The following NSMAF variants were observed in gnomAD, a reference collection of about 807,000 sequenced individuals.
NSMAF encodes neutral sphingomyelinase activation associated factor.
In NSMAF, 90 loss-of-function variants were observed where a neutral mutation model predicts 134.9. The ratio of observed to expected loss-of-function variants is 0.67; its 90% confidence interval spans 0.56 to 0.79. The LOEUF is 0.79. NSMAF is among the 30% of genes least tolerant of loss of function. The pLI is 0.00. For missense variants in NSMAF, 1,010 were observed against 1,119.0 expected, an observed-to-expected ratio of 0.90 and a Z score of 1.39; for synonymous variants, 358 against 389.6, an observed-to-expected ratio of 0.92 and a Z score of 0.96.
intron 9 of NSMAF, among the ~76,000 whole-genome samples, chr8:58,617,998 C>T (rs1016125097): frequency 6.6e-6 from 1 of 152,152 alleles, no homozygotes; most frequent in Non-Finnish European, 1.5e-5. Flanking sequence ...GGGATGAGTT[C>T]ATGTCCTTTG....
Position 58,597,796 on chromosome 8 carries a change from T to G in NSMAF, c.1628+64A>C, listed in dbSNP as rs1384590625. The G allele has an allele frequency of 3.4e-6, 4 of 1,172,568 alleles. No individual in the cohort carries two copies. In the South Asian group the frequency reaches 5.2e-5, roughly 15 times the overall value. 72.6% of individuals were successfully genotyped at this position (1,172,568 alleles called of 1,614,324 possible). ...TACCTCAACCTTCAAATAAATACAT[T>G]AATAATTTAGATAAAGACATATCTT... On this transcript the variant is annotated intron_variant, in intron 20 of 30. Coordinates refer to ENST00000038176, the MANE Select transcript of NSMAF (RefSeq NM_003580.4).
chr8:58,590,868 A>AT lies in NSMAF; in HGVS notation c.2017dup (p.Met673AsnfsTer22). On this transcript the variant is annotated frameshift_variant and splice_region_variant, in exon 24 of 31. Transcript: ENST00000038176. LOFTEE classifies it high-confidence loss of function. ...ATAATACTATTAAAATGAACTCACC[A>AT]TATTTGAAAATGATATACTTCTTTG... 1 of 1,558,340 alleles carries AT rather than the reference A, an allele frequency of 6.4e-7. No homozygotes were observed.
rs1194341835 is a variant in NSMAF at position 58,592,902 on chromosome 8, C to CA, written c.1951+1329dup. On this transcript the variant is annotated intron_variant, in intron 23 of 30. Coordinates refer to ENST00000038176, the MANE Select transcript of NSMAF (RefSeq NM_003580.4). ...ACTCTGTCTCAAAAAAAAACAAAAACAAAAACAACAACAACAAAAAAAAAA... is the reference window on the plus strand; with the variant it reads ...ACTCTGTCTCAAAAAAAAACAAAAACAAAAAACAACAACAACAAAAAAAAAA... 4.9e-3 allele frequency among the ~76,000 whole-genome samples: 564 copies of CA among 114,178 alleles called. 8 individuals carry two copies. In the East Asian group the frequency reaches 0.064, roughly 13 times the overall value. The allele number at this position is 114,178 out of a possible 152,430, so 74.9% of individuals were successfully genotyped here. A position where few individuals can be genotyped will look rare whatever the true frequency, so the allele number is the denominator to read the frequency against.
At chr8:58,605,451 A>G (rs1806382797) in intron 12 of NSMAF, among the ~76,000 whole-genome samples, 1 of 152,232 alleles carries the variant, frequency 6.6e-6, no homozygotes, top group Non-Finnish European at 1.5e-5. Flanking sequence ...AATCCATTCA[A>G]TTTGGAGGAC....
In NSMAF at chr8:58,587,659, G is replaced by A. The variant is rs751354689; in HGVS notation, c.2254C>T (p.His752Tyr). ...VPAEMPGTKR[H>Y]HFDLLAELEH... ...AGCTCGGCCAGCAAGTCAAAGTGGT[G>A]TCTTTTGGTGCCTGGCATCTCTGCA... Residue 752 changes from histidine to tyrosine, a missense_variant, in exon 27 of 31, where the codon CAC (histidine) becomes TAC (tyrosine). Coordinates refer to ENST00000038176, the MANE Select transcript of NSMAF (RefSeq NM_003580.4). The A allele has an allele frequency of 6.2e-6, 10 of 1,614,054 alleles. No individual in the cohort carries two copies. Among genetic ancestry groups the A allele is most frequent in the Middle Eastern group, 3.3e-4 (2 of 6,084 alleles).
chr8:58,648,363 C>G (rs1807509558), intron 1 of NSMAF, among the ~76,000 whole-genome samples: 1 of 152,134 alleles, frequency 6.6e-6, no homozygotes, highest in African/African-American at 2.4e-5. Context: ...ACATAAAACT[C>G]TGGGAAATTT....
Position 58,637,321 on chromosome 8 carries a change from C to T in NSMAF, c.150-1775G>A, listed in dbSNP as rs554413331. On this transcript the variant is annotated intron_variant, in intron 2 of 30. Coordinates refer to ENST00000038176, the MANE Select transcript of NSMAF (RefSeq NM_003580.4). Reference sequence around the variant, plus strand: ...AGCAATTTCTCCAAAGAACCCCCATCCTTTCAGTGGGAAGTGGTATTAAGA... The same window carrying T: ...AGCAATTTCTCCAAAGAACCCCCATTCTTTCAGTGGGAAGTGGTATTAAGA... The T allele has an allele frequency of 1.6e-3, 717 of 456,138 alleles. 2 individuals carry two copies. Among genetic ancestry groups the T allele is most frequent in the Non-Finnish European group, 2.4e-3 (552 of 226,894 alleles). 28.3% of individuals were successfully genotyped at this position (456,138 alleles called of 1,614,324 possible). A position where few individuals can be genotyped will look rare whatever the true frequency, so the allele number is the denominator to read the frequency against.
At position 58,601,180 on chromosome 8, in the gene NSMAF, T is replaced by C. The variant is rs998973882; in HGVS notation, c.1280+105A>G. ...ATAGATAGAACAATTAGTGATTTTT[T>C]ACATTTCTTTACTTTTTTATTATAT... On this transcript the variant is annotated intron_variant, in intron 16 of 30. Transcript: ENST00000038176. The C allele has an allele frequency of 1.5e-5, 14 of 960,968 alleles. No homozygotes were observed. In the African/African-American group the frequency reaches 2.3e-4, roughly 16 times the overall value. The allele number at this position is 960,968 out of a possible 1,614,324, so 59.5% of individuals were successfully genotyped here. A position where few individuals can be genotyped will look rare whatever the true frequency, so the allele number is the denominator to read the frequency against.
rs143256721 is a variant in NSMAF, at chr8:58,628,065, A to G, written c.384+3431T>C. Among the ~76,000 whole-genome samples the G allele has an allele frequency of 5.0e-3, 766 of 152,284 alleles. 2 individuals are homozygous for G. Among genetic ancestry groups the G allele is most frequent in the Non-Finnish European group, 8.3e-3 (564 of 68,008 alleles). On this transcript the variant is annotated intron_variant, in intron 6 of 30. Coordinates refer to ENST00000038176, the MANE Select transcript of NSMAF (RefSeq NM_003580.4). ...ATAGACCAATGGAACAGAACAGACA[A>G]CCCAGAAATAAAGCCAAATACTTAT...
intron 19 of NSMAF, among the ~76,000 whole-genome samples, chr8:58,598,804 C>A (rs1027665369): frequency 2.0e-5 from 3 of 151,922 alleles, no homozygotes; most frequent in Non-Finnish European, 2.9e-5. Context: ...GGGCAGATCA[C>A]CTGAGGTCAG....
intron 9 of NSMAF, among the ~76,000 whole-genome samples, chr8:58,610,478 G>C (rs1485620001): frequency 1.3e-5 from 2 of 152,226 alleles, no homozygotes; most frequent in Non-Finnish European, 2.9e-5. Context: ...AAAGCTGTAA[G>C]AGACTGTTGA....
At position 58,607,848 on chromosome 8, in the gene NSMAF, A is replaced by G; in HGVS notation, c.688-8T>C. 6.2e-7 allele frequency: 1 copy of G among 1,610,456 alleles called. No homozygotes were observed. The highest frequency in any genetic ancestry group is 8.5e-7 in the Non-Finnish European group (1 of 1,176,592). On this transcript the variant is annotated splice_region_variant and splice_polypyrimidine_tract_variant and intron_variant, in intron 10 of 30. Transcript: ENST00000038176. Reference sequence around the variant, plus strand: ...TATCTGGACCACAGGTTTCTTTAAAAGTAGAAAGACAATCTCAAACATTAT... The same window carrying G: ...TATCTGGACCACAGGTTTCTTTAAAGGTAGAAAGACAATCTCAAACATTAT...
intron 6 of NSMAF, 31 bp from the exon 7 acceptor site, chr8:58,623,811 G>A: frequency 2.6e-6 from 4 of 1,562,516 alleles, no homozygotes; most frequent in South Asian, 1.1e-5. Flanking sequence ...TCAAAATACA[G>A]GAAGAGAAGA....
chr8:58,624,035 A>ATTTTTTT lies in NSMAF; in HGVS notation c.385-262_385-256dup, dbSNP rs11431046. 1.5e-4 allele frequency among the ~76,000 whole-genome samples: 15 copies of ATTTTTTT among 99,096 alleles called. 1 individual carries two copies. Among genetic ancestry groups the ATTTTTTT allele is most frequent in the Non-Finnish European group, 2.1e-4 (11 of 53,392 alleles). 65.0% of individuals were successfully genotyped at this position (99,096 alleles called of 152,430 possible). ...CAAACCCTTAAGGTATAGAGTTAGG[A>ATTTTTTT]TTTTTTTTTTTTTTTTTTTTTTTTG... On this transcript the variant is annotated intron_variant, in intron 6 of 30. Coordinates refer to ENST00000038176, the MANE Select transcript of NSMAF (RefSeq NM_003580.4).
At chr8:58,650,442 ATTTTCT>A (rs143061385) in intron 1 of NSMAF, among the ~76,000 whole-genome samples, 4,051 of 152,012 alleles carry the variant, frequency 0.027, 189 homozygotes, top group African/African-American at 0.092. Context: ...TGCTAGCCTG[ATTTTCT>A]TTTTCTTTTT....
At chr8:58,651,594 T>C (rs1005286839) in intron 1 of NSMAF, among the ~76,000 whole-genome samples, 1 of 152,222 alleles carries the variant, frequency 6.6e-6, no homozygotes, top group Admixed American at 6.5e-5. Flanking sequence ...ATGTCATCTA[T>C]GCTCTCAAAG....
At chr8:58,633,743 G>A (rs1227979580) in intron 5 of NSMAF, among the ~76,000 whole-genome samples, 2 of 152,074 alleles carry the variant, frequency 1.3e-5, no homozygotes, top group Non-Finnish European at 2.9e-5. Context: ...ATAAAGCACC[G>A]TACTATATTT....
intron 9 of NSMAF, among the ~76,000 whole-genome samples, chr8:58,620,314 CAAGA>C (rs915069324): frequency 2.6e-5 from 4 of 152,116 alleles, no homozygotes; most frequent in Non-Finnish European, 1.5e-5. Context: ...GCAGAGGGAA[CAAGA>C]ACAAAGGCTC....
At position 58,602,433 on chromosome 8, in the gene NSMAF, C is replaced by G. The variant is rs75030081; in HGVS notation, c.1046-296G>C. Among the ~76,000 whole-genome samples the G allele has an allele frequency of 1.4e-3, 214 of 152,088 alleles. 3 individuals are homozygous for G. The East Asian group carries it at 0.034, about 24-fold the overall frequency. On this transcript the variant is annotated intron_variant, in intron 13 of 30. Transcript: ENST00000038176. ...CATATATATATTCCAAGTAAAACAA[C>G]AACAACAACAAAATTTTAAAAGCCA...
Sources: allele counts gnomAD v4.1 joint callset (sites outside exome capture counted in the v4.1 genomes callset), GRCh38; gene constraint gnomAD v4.1.1; transcripts MANE v1.5; gene names NCBI Gene and HGNC (gene_info 2026-07-23, HGNC 2026-07-21).